The following SEMA3C variants were observed in gnomAD, a reference collection of about 807,000 sequenced individuals.
SEMA3C encodes semaphorin 3C.
A neutral mutation model predicts 89.4 loss-of-function variants in SEMA3C; 47 were observed. That is an observed-to-expected ratio of 0.53 (90% CI 0.42 to 0.67). SEMA3C has a LOEUF of 0.67. Ranked by LOEUF, SEMA3C falls within the 30% of genes least tolerant of loss-of-function variation. The probability of loss-of-function intolerance (pLI) is 0.00; values close to 1 mark genes in which losing one functional copy is unlikely to be tolerated. For missense variants in SEMA3C, 839 were observed against 929.1 expected, an observed-to-expected ratio of 0.90 and a Z score of 1.26; for synonymous variants, 310 against 320.2, an observed-to-expected ratio of 0.97 and a Z score of 0.34.
chr7:80,784,879 C>G (rs755124348), intron 12 of SEMA3C, among the ~76,000 whole-genome samples: 11 of 152,078 alleles, frequency 7.2e-5, no homozygotes, highest in Non-Finnish European at 1.6e-4. Context: ...ATGTACCATA[C>G]AGAACATATG....
intron 2 of SEMA3C, among the ~76,000 whole-genome samples, chr7:80,881,172 C>T (rs1233483505): frequency 7.4e-6 from 1 of 135,180 alleles, no homozygotes; most frequent in African/African-American, 3.5e-5. Context: ...GAAACACACA[C>T]ACACACACAC....
chr7:80,745,077 C>T lies in SEMA3C; in HGVS notation c.2073G>A (p.Lys691=). The change falls in exon 18 of 18, where the codon AAG becomes AAA. Residue 691 remains lysine, a synonymous_variant. Transcript: ENST00000265361. ...AGTGGCTGAATGCCCCCATGATGTC[C>T]TTCGGGTGGAAGGGTAAAGCCCTCA... ...SSVRALPFHP[K]DIMGAFSHSE... 4.3e-6 allele frequency: 7 copies of T among 1,614,078 alleles called. No individual in the cohort carries two copies. The highest frequency in any genetic ancestry group is 5.9e-6 in the Non-Finnish European group (7 of 1,180,002).
At chr7:80,845,023 G>C (rs1205747431) in intron 2 of SEMA3C, among the ~76,000 whole-genome samples, 1 of 152,134 alleles carries the variant, frequency 6.6e-6, no homozygotes, top group Non-Finnish European at 1.5e-5. Flanking sequence ...GAATCCAGAA[G>C]TGTGAACTCA....
At chr7:80,750,901 T>C (rs1562857587) in intron 16 of SEMA3C, among the ~76,000 whole-genome samples, 2 of 152,156 alleles carry the variant, frequency 1.3e-5, no homozygotes, top group Non-Finnish European at 2.9e-5. Context: ...TTTTATGTTA[T>C]GTATATTTAC....
rs929960069 is a variant in SEMA3C at position 80,821,439 on chromosome 7, C to T, written c.328-3021G>A. ...AGTTGTTTTTTTTTGGGGGGGTGGG[C>T]GACAGAGTGTCGCTCTGCTACCCAG... is the stretch of plus-strand genomic sequence containing the variant. On this transcript the variant is annotated intron_variant, in intron 4 of 17. Transcript: ENST00000265361. Among the ~76,000 whole-genome samples the T allele has an allele frequency of 5.9e-5, 9 of 151,838 alleles. No homozygotes were observed. The East Asian group carries it at 9.8e-4, about 16-fold the overall frequency.
At chr7:80,855,859 T>A (rs1322473803) in intron 2 of SEMA3C, among the ~76,000 whole-genome samples, 1 of 152,150 alleles carries the variant, frequency 6.6e-6, no homozygotes, top group African/African-American at 2.4e-5. Flanking sequence ...GTGTTTAGAT[T>A]TCACTTCAAC....
chr7:80,890,936 A>T (rs577250524), intron 2 of SEMA3C, among the ~76,000 whole-genome samples: 82 of 152,028 alleles, frequency 5.4e-4, no homozygotes, highest in Middle Eastern at 3.4e-3. Context: ...ATGTCCTCTG[A>T]CCTCCCTGTA....
At chr7:80,866,238 T>C (rs1173500635) in intron 2 of SEMA3C, among the ~76,000 whole-genome samples, 3 of 152,134 alleles carry the variant, frequency 2.0e-5, no homozygotes, top group African/African-American at 7.2e-5. Context: ...CAAGATTATA[T>C]CCCTAGATGT....
intron 2 of SEMA3C, among the ~76,000 whole-genome samples, chr7:80,844,271 C>T (rs2115895467): frequency 6.6e-6 from 1 of 152,218 alleles, no homozygotes; most frequent in East Asian, 1.9e-4. Context: ...AACTGAGATC[C>T]AACAGTTCTC....
intron 2 of SEMA3C, 54 bp downstream of exon 2, chr7:80,916,625 A>C: frequency 6.6e-7 from 1 of 1,506,682 alleles, no homozygotes; most frequent in East Asian, 2.3e-5. Flanking sequence ...TGGATAAGGA[A>C]GATAACAAAA....
intron 6 of SEMA3C, among the ~76,000 whole-genome samples, chr7:80,806,124 T>A (rs1789336005): frequency 6.6e-6 from 1 of 152,050 alleles, no homozygotes; most frequent in African/African-American, 2.4e-5. Context: ...TGTTTACCTA[T>A]AATACATTTA....
Position 80,850,095 on chromosome 7 carries a change from T to C in SEMA3C, c.104-21350A>G, listed in dbSNP as rs140315537. 3.4e-3 allele frequency among the ~76,000 whole-genome samples: 514 copies of C among 152,320 alleles called. 1 individual carries two copies. Among genetic ancestry groups the C allele is most frequent in the Non-Finnish European group, 5.1e-3 (346 of 67,996 alleles). ...TATGATACACTACTCTATAGTTACA[T>C]GACCGGCTCAAACTTTGTTTTTAAA... is the stretch of plus-strand genomic sequence containing the variant. On this transcript the variant is annotated intron_variant, in intron 2 of 17. Transcript: ENST00000265361.
intron 2 of SEMA3C, among the ~76,000 whole-genome samples, chr7:80,866,855 T>A (rs1790938115): frequency 1.3e-5 from 2 of 152,186 alleles, no homozygotes; most frequent in African/African-American, 4.8e-5. Context: ...CCATAAAAGG[T>A]AAGTTGTTGA....
At chr7:80,847,658 A>G (rs1790421729) in intron 2 of SEMA3C, among the ~76,000 whole-genome samples, 1 of 152,164 alleles carries the variant, frequency 6.6e-6, no homozygotes, top group Non-Finnish European at 1.5e-5. Flanking sequence ...TAGGACAGAC[A>G]ATGAATCCAC....
At chr7:80,905,139 T>C (rs1171658988) in intron 2 of SEMA3C, among the ~76,000 whole-genome samples, 2 of 150,864 alleles carry the variant, frequency 1.3e-5, no homozygotes, top group African/African-American at 2.4e-5. Flanking sequence ...TAAAATAGCC[T>C]CTTTCATGCC....
rs190427966 is a variant in SEMA3C at position 80,857,343 on chromosome 7, C to T, written c.104-28598G>A. 8.5e-3 allele frequency among the ~76,000 whole-genome samples: 1,291 copies of T among 152,094 alleles called. 8 individuals are homozygous for T. The highest frequency in any genetic ancestry group is 0.013 in the Non-Finnish European group (883 of 67,996). ...GCTCATATGCCACATATTCTTAAAC[C>T]TCCCCAAATTAATACTGTGTAAGAA... is the stretch of plus-strand genomic sequence containing the variant. On this transcript the variant is annotated intron_variant, in intron 2 of 17. Transcript: ENST00000265361.
intron 15 of SEMA3C, among the ~76,000 whole-genome samples, chr7:80,753,784 C>G (rs897382506): frequency 3.3e-5 from 5 of 152,214 alleles, no homozygotes; most frequent in African/African-American, 1.2e-4. Context: ...ATTATCTTGT[C>G]TTAATAAAGT....
intron 2 of SEMA3C, among the ~76,000 whole-genome samples, chr7:80,875,818 TGTAA>T (rs1583968975): frequency 6.6e-6 from 1 of 151,620 alleles, no homozygotes; most frequent in Non-Finnish European, 1.5e-5. Flanking sequence ...AAAAAGAAGC[TGTAA>T]GTGCTTCTTA....
chr7:80,897,121 C>A lies in SEMA3C; in HGVS notation c.103+19558G>T, dbSNP rs190082539. 1.8e-3 allele frequency among the ~76,000 whole-genome samples: 274 copies of A among 152,274 alleles called. 2 individuals carry two copies. Among genetic ancestry groups the A allele is most frequent in the Non-Finnish European group, 2.5e-3 (173 of 68,026 alleles). ...GGAATGTTAGCAATTCTACTCAATTCTTCTCCCTCTAATTTCCCTTTTAGT... is the reference window on the plus strand; with the variant it reads ...GGAATGTTAGCAATTCTACTCAATTATTCTCCCTCTAATTTCCCTTTTAGT... On this transcript the variant is annotated intron_variant, in intron 2 of 17. Coordinates refer to ENST00000265361, the MANE Select transcript of SEMA3C (RefSeq NM_006379.5).
Sources: gnomAD v4.1 joint callset for allele counts (sites outside exome capture counted in the v4.1 genomes callset) on GRCh38, gnomAD v4.1.1 for gene constraint, MANE v1.5 for transcripts, NCBI Gene and HGNC (gene_info 2026-07-23, HGNC 2026-07-21) for gene names.